MTHFD2L: variants seen among roughly 807,000 people sequenced by gnomAD.
The protein encoded by MTHFD2L is methylenetetrahydrofolate dehydrogenase (NADP+ dependent) 2 like.
A neutral mutation model predicts 34.9 loss-of-function variants in MTHFD2L; 29 were observed. The observed-to-expected ratio is 0.83, with a 90% CI of 0.62 to 1.13. MTHFD2L has a LOEUF of 1.13. Among genes scored for constraint, MTHFD2L ranks in the 50% most tolerant of loss-of-function variants. MTHFD2L has a pLI of 0.00. For synonymous variants in MTHFD2L, 167 were observed against 155.7 expected (o/e 1.07, Z -0.54); for missense variants, 481 against 446.5 (o/e 1.08, Z -0.70).
chr4:74,294,558 C>G (rs560447655), intron 7 of MTHFD2L, among the ~76,000 whole-genome samples: 1 of 152,094 alleles, frequency 6.6e-6, no homozygotes, highest in Non-Finnish European at 1.5e-5. Context: ...TTTTAGTGTC[C>G]TTTATGTTGC....
At chr4:74,174,431 AGTTTT>A in intron 1 of MTHFD2L, 70 bp from the exon 2 acceptor site, 1 of 1,157,272 alleles carries the variant, frequency 8.6e-7, no homozygotes, top group Non-Finnish European at 1.1e-6. Context: ...GGTTTTATTG[AGTTTT>A]GTACCTTAAA....
At chr4:74,227,460 C>G (rs1739343116) in intron 6 of MTHFD2L, among the ~76,000 whole-genome samples, 1 of 152,098 alleles carries the variant, frequency 6.6e-6, no homozygotes, top group Non-Finnish European at 1.5e-5. Context: ...AGAAGCAGAT[C>G]TGTATGAAGT....
intron 5 of MTHFD2L, among the ~76,000 whole-genome samples, chr4:74,203,573 A>G (rs1032487565): frequency 6.6e-6 from 1 of 152,194 alleles, no homozygotes; most frequent in African/African-American, 2.4e-5. Context: ...TTGTGGCAGA[A>G]GGCAAAGGTG....
At chr4:74,248,221 G>T (rs930924730) in intron 6 of MTHFD2L, among the ~76,000 whole-genome samples, 1 of 152,106 alleles carries the variant, frequency 6.6e-6, no homozygotes, top group Non-Finnish European at 1.5e-5. Flanking sequence ...GAGTGTATGT[G>T]TCAAGGAATT....
At chr4:74,241,465 C>G (rs1452318810) in intron 6 of MTHFD2L, 1 of 218,394 alleles carries the variant, frequency 4.6e-6, no homozygotes, top group Non-Finnish European at 9.8e-6. Flanking sequence ...GCAATCATGG[C>G]TCACTGTAGC....
At chr4:74,263,146 C>A (rs1385689129) in intron 6 of MTHFD2L, among the ~76,000 whole-genome samples, 1 of 151,312 alleles carries the variant, frequency 6.6e-6, no homozygotes, top group Non-Finnish European at 1.5e-5. Flanking sequence ...TGTGTGTGTG[C>A]TGTCTTATTT....
intron 1 of MTHFD2L, among the ~76,000 whole-genome samples, chr4:74,158,622 GT>G (rs2109880761): frequency 6.6e-6 from 1 of 152,324 alleles, no homozygotes; most frequent in East Asian, 1.9e-4. Context: ...TTTTACTTTG[GT>G]TATTTTAGTG....
At chr4:74,186,876 T>G (rs1399828449) in intron 3 of MTHFD2L, among the ~76,000 whole-genome samples, 1 of 152,008 alleles carries the variant, frequency 6.6e-6, no homozygotes, top group East Asian at 1.9e-4. Context: ...ATGAGTAACA[T>G]GGAGGATTAA....
At chr4:74,294,949 G>A (rs1578751978) in intron 7 of MTHFD2L, among the ~76,000 whole-genome samples, 1 of 152,064 alleles carries the variant, frequency 6.6e-6, no homozygotes, top group Non-Finnish European at 1.5e-5. Flanking sequence ...GCAATAGCCT[G>A]AAACTTCATG....
chr4:74,174,275 C>T (rs1728589477), intron 1 of MTHFD2L, among the ~76,000 whole-genome samples: 2 of 152,044 alleles, frequency 1.3e-5, no homozygotes, highest in African/African-American at 4.8e-5. Flanking sequence ...CATACACATT[C>T]ATTTTATAGC....
intron 6 of MTHFD2L, chr4:74,242,304 C>T (rs963548715): frequency 6.6e-6 from 1 of 152,004 alleles, no homozygotes; most frequent in African/African-American, 2.4e-5. Context: ...TTCTGAGTAT[C>T]ATGGTACATT....
At chr4:74,212,420 CTTAT>C (rs1021737445) in intron 5 of MTHFD2L, among the ~76,000 whole-genome samples, 2 of 152,130 alleles carry the variant, frequency 1.3e-5, no homozygotes, top group East Asian at 3.8e-4. Context: ...TTTCAAATAA[CTTAT>C]TTATTTCTGC....
intron 5 of MTHFD2L, among the ~76,000 whole-genome samples, chr4:74,213,803 T>C (rs1736737066): frequency 6.6e-6 from 1 of 152,236 alleles, no homozygotes; most frequent in Non-Finnish European, 1.5e-5. Flanking sequence ...AAGAGTGTTT[T>C]CCAACTTGGT....
rs111302142 is a variant in MTHFD2L at position 74,224,800 on chromosome 4, A to T, written c.713-502A>T. ...GCCTTTTTCTTCCTTACCTGATTAG[A>T]ACACTTCTGCTCATGCATTAAGACC... is the stretch of plus-strand genomic sequence containing the variant. On this transcript the variant is annotated intron_variant, in intron 5 of 7. Transcript: ENST00000325278. Among the ~76,000 whole-genome samples, 829 of 152,026 alleles carry T rather than the reference A, an allele frequency of 5.5e-3. 4 individuals are homozygous for T. The highest frequency in any genetic ancestry group is 0.019 in the African/African-American group (793 of 41,360).
At chr4:74,236,619 C>G (rs1046907248) in intron 6 of MTHFD2L, among the ~76,000 whole-genome samples, 1 of 152,248 alleles carries the variant, frequency 6.6e-6, no homozygotes, top group Admixed American at 6.5e-5. Context: ...AGCTTTCTGT[C>G]TCTAGCTCAG....
intron 7 of MTHFD2L, among the ~76,000 whole-genome samples, chr4:74,297,712 T>C (rs952463339): frequency 6.6e-6 from 1 of 152,112 alleles, no homozygotes; most frequent in African/African-American, 2.4e-5. Context: ...CCTTGCTCTC[T>C]TTCAGGCATG....
In MTHFD2L at chr4:74,207,024, G is replaced by A. The variant is rs1042497688; in HGVS notation, c.712+5654G>A. On this transcript the variant is annotated intron_variant, in intron 5 of 7. Coordinates refer to ENST00000325278, the MANE Select transcript of MTHFD2L (RefSeq NM_001144978.3). ...CAGGTGATCCTCCTGTTGGGAGCAC[G>A]GTTGTTGGGACCACAGGCACACACC... Among the ~76,000 whole-genome samples, 44 of 152,016 alleles carry A rather than the reference G, an allele frequency of 2.9e-4. 1 individual carries two copies. The highest frequency in any genetic ancestry group is 9.7e-4 in the East Asian group (5 of 5,156).
chr4:74,129,591 G>C (rs1722321519), intron 1 of MTHFD2L, among the ~76,000 whole-genome samples: 1 of 152,144 alleles, frequency 6.6e-6, no homozygotes, highest in Non-Finnish European at 1.5e-5. Flanking sequence ...GAAGTGTTTA[G>C]AGGAAAATTT....
intron 7 of MTHFD2L, among the ~76,000 whole-genome samples, chr4:74,292,820 AT>A (rs934545194): frequency 2.4e-4 from 37 of 151,256 alleles, no homozygotes; most frequent in East Asian, 2.3e-3. Context: ...ACAGAAAGCA[AT>A]TTTTTTTTAG....
Sources: gnomAD v4.1 joint callset for allele counts (sites outside exome capture counted in the v4.1 genomes callset) on GRCh38, gnomAD v4.1.1 for gene constraint, MANE v1.5 for transcripts, NCBI Gene and HGNC (gene_info 2026-07-23, HGNC 2026-07-21) for gene names.